NFATC1: variants seen among roughly 807,000 people sequenced by gnomAD.
NFATC1 encodes nuclear factor of activated T-cells, cytoplasmic 1.
Under a neutral mutation model 76.0 loss-of-function variants are expected in NFATC1, and 22 were observed. That is an observed-to-expected ratio of 0.29 (90% CI 0.21 to 0.41). NFATC1 has a LOEUF of 0.41. Among genes scored for constraint, NFATC1 ranks in the 10% least tolerant of loss-of-function variants. The pLI, the probability that NFATC1 is intolerant of heterozygous loss-of-function variation, is 1.00. For synonymous variants in NFATC1, 704 were observed against 613.1 expected, an observed-to-expected ratio of 1.15 and a Z score of -2.19; for missense variants, 1,357 against 1,337.7, an observed-to-expected ratio of 1.01 and a Z score of -0.23.
At chr18:79,450,663 T>G (rs1473986169) in intron 4 of NFATC1, among the ~76,000 whole-genome samples, 1 of 150,712 alleles carries the variant, frequency 6.6e-6, no homozygotes, top group African/African-American at 2.4e-5. Context: ...GGGTGGAGGG[T>G]GGAGGCTGGA....
intron 8 of NFATC1, among the ~76,000 whole-genome samples, chr18:79,474,238 G>A (rs2088934879): frequency 8.6e-6 from 1 of 116,686 alleles, no homozygotes; most frequent in Non-Finnish European, 1.7e-5. Flanking sequence ...CCTGAGGGAA[G>A]CGTGTTCTCG....
At chr18:79,446,930 C>T (rs959361297) in intron 3 of NFATC1, among the ~76,000 whole-genome samples, 1 of 152,220 alleles carries the variant, frequency 6.6e-6, no homozygotes, top group Non-Finnish European at 1.5e-5. Flanking sequence ...AACGCCCCTT[C>T]GATGTCTCAG....
Position 79,410,731 on chromosome 18 carries a change from C to T in NFATC1, c.456C>T (p.Pro152=), listed in dbSNP as rs546688548. 1.9e-6 allele frequency: 3 copies of T among 1,613,074 alleles called. No homozygotes were observed. Among genetic ancestry groups the T allele is most frequent in the East Asian group, 2.2e-5 (1 of 44,882 alleles). The change falls in exon 2 of 10, where the codon CCC becomes CCT. Residue 152 remains proline, a synonymous_variant. Transcript: ENST00000427363. This position sits in a 1 kb window ranked among gnomAD's most constrained non-coding sequence, Gnocchi z 6.7. ...TCCTCCCTAGCTCCAAACGGTCCCC[C>T]TCCACGGCCACGCTGAGTCTGCCCA... ...EDVLPSSKRS[P]STATLSLPSL...
intron 9 of NFATC1, among the ~76,000 whole-genome samples, chr18:79,519,104 G>C (rs1380885010): frequency 6.6e-6 from 1 of 152,186 alleles, no homozygotes. Context: ...CAGGTGCAAA[G>C]ACCTCGCCTC....
At chr18:79,441,028 C>A (rs2144714654) in intron 3 of NFATC1, among the ~76,000 whole-genome samples, 2 of 152,364 alleles carry the variant, frequency 1.3e-5, no homozygotes, top group South Asian at 4.1e-4. Context: ...CGGGCCTTGT[C>A]TGTGGACAGA....
At chr18:79,491,150 T>C (rs1200772725) in intron 9 of NFATC1, among the ~76,000 whole-genome samples, 1 of 152,044 alleles carries the variant, frequency 6.6e-6, no homozygotes, top group East Asian at 1.9e-4. Context: ...AGTATTAATA[T>C]ATATTTTGTC....
At chr18:79,450,179 T>TGGTC (rs1309868067) in intron 4 of NFATC1, among the ~76,000 whole-genome samples, 2 of 152,078 alleles carry the variant, frequency 1.3e-5, no homozygotes, top group Admixed American at 6.5e-5. Context: ...GCCTCGTGGG[T>TGGTC]GGTCGGGGAG....
chr18:79,399,447 T>A (rs1600568880), intron 1 of NFATC1, among the ~76,000 whole-genome samples: 1 of 152,090 alleles, frequency 6.6e-6, no homozygotes, highest in East Asian at 1.9e-4. Flanking sequence ...GCCCTCAGAC[T>A]CCCACCATCC....
intron 7 of NFATC1, among the ~76,000 whole-genome samples, chr18:79,461,988 C>A (rs2088127784): frequency 6.6e-6 from 1 of 152,238 alleles, no homozygotes; most frequent in African/African-American, 2.4e-5. Context: ...GGGGTCGTGG[C>A]AGACGCGTGG....
At chr18:79,515,166 G>A (rs961831756) in intron 9 of NFATC1, among the ~76,000 whole-genome samples, 8 of 151,944 alleles carry the variant, frequency 5.3e-5, no homozygotes, top group African/African-American at 1.9e-4. Context: ...CCAACATGGC[G>A]AAACCCCATC....
At chr18:79,509,198 C>T (rs549896671) in intron 9 of NFATC1, among the ~76,000 whole-genome samples, 1 of 152,344 alleles carries the variant, frequency 6.6e-6, no homozygotes, top group Non-Finnish European at 1.5e-5. Context: ...GTGTCCTTTC[C>T]CCGCCGTCCA....
At chr18:79,416,659 G>T (rs1173940942) in intron 2 of NFATC1, among the ~76,000 whole-genome samples, 2 of 152,250 alleles carry the variant, frequency 1.3e-5, no homozygotes, top group Non-Finnish European at 2.9e-5. Context: ...TTGCCCCATG[G>T]TTTGTAAAAC....
intron 7 of NFATC1, among the ~76,000 whole-genome samples, chr18:79,462,753 T>C (rs989530458): frequency 2.6e-5 from 4 of 151,070 alleles, no homozygotes; most frequent in African/African-American, 7.4e-5. Context: ...ATGAACATGC[T>C]TCTGAGCTCA....
At chr18:79,399,953 G>A (rs1370828383) in intron 1 of NFATC1, among the ~76,000 whole-genome samples, 6 of 151,342 alleles carry the variant, frequency 4.0e-5, no homozygotes, top group African/African-American at 1.2e-4. Context: ...GAGGAGGCCC[G>A]GATTGAAAAC....
intron 1 of NFATC1, among the ~76,000 whole-genome samples, chr18:79,403,845 G>A (rs1243012802): frequency 2.0e-5 from 3 of 152,230 alleles, no homozygotes; most frequent in Admixed American, 6.5e-5. Flanking sequence ...GTGGCTGGTC[G>A]GGGGCTGTGG....
Position 79,465,045 on chromosome 18 carries a change from G to A in NFATC1, c.1960-2405G>A, listed in dbSNP as rs538382657. ...ACAAAATGGGATGTGCTGTGTCTAC[G>A]GTTTTTGTACTTTCTATAAGTAAGT... On this transcript the variant is annotated intron_variant, in intron 7 of 9. Coordinates refer to ENST00000427363, the MANE Select transcript of NFATC1 (RefSeq NM_001278669.2). The surrounding 1 kb of genome is among the most constrained non-coding windows in gnomAD (Gnocchi z 4.2). Among the ~76,000 whole-genome samples the A allele has an allele frequency of 1.7e-4, 26 of 151,962 alleles. No homozygotes were observed. Among genetic ancestry groups the A allele is most frequent in the Non-Finnish European group, 3.2e-4 (22 of 68,020 alleles).
chr18:79,474,449 GCTCA>G (rs1425561073), intron 8 of NFATC1, among the ~76,000 whole-genome samples: 7 of 146,944 alleles, frequency 4.8e-5, no homozygotes, highest in South Asian at 2.2e-4. Flanking sequence ...GTGTTCTCGC[GCTCA>G]CTGTCGACGT....
intron 8 of NFATC1, among the ~76,000 whole-genome samples, chr18:79,484,029 TTCCTGGGGTGTCATTCCAGGGTGACCTGG>T (rs1288893306): frequency 8.1e-4 from 121 of 150,216 alleles, no homozygotes; most frequent in Non-Finnish European, 1.4e-3. Flanking sequence ...CGTGACCTGG[TTCCTGGGGTGTCATTCCAGGGTGACCTGG>T]TCCTGGGGTG....
At chr18:79,510,910 A>T (rs937669515) in intron 9 of NFATC1, among the ~76,000 whole-genome samples, 1 of 150,892 alleles carries the variant, frequency 6.6e-6, no homozygotes, top group African/African-American at 2.4e-5. Context: ...GACATCCTCC[A>T]CCGGGGGCTC....
Sources: gnomAD v4.1 joint callset for allele counts (sites outside exome capture counted in the v4.1 genomes callset) on GRCh38, gnomAD v4.1.1 for gene constraint, Gnocchi (gnomAD v3.1) non-coding constraint, MANE v1.5 for transcripts, NCBI Gene and HGNC (gene_info 2026-07-23, HGNC 2026-07-21) for gene names.